Variants in GUCY1A2 observed in about 807,000 individuals in gnomAD.
GUCY1A2 encodes guanylate cyclase 1 soluble subunit alpha 2.
In GUCY1A2, 27 loss-of-function variants were observed where a neutral mutation model predicts 63.5. The ratio of observed to expected loss-of-function variants is 0.43; its 90% CI spans 0.31 to 0.59. The LOEUF is 0.59. Among genes scored for constraint, GUCY1A2 ranks in the 20% least tolerant of loss-of-function variants. The pLI, the probability that GUCY1A2 is intolerant of heterozygous loss-of-function variation, is 0.11. For missense variants in GUCY1A2, 768 were observed against 913.3 expected, an observed-to-expected ratio of 0.84 and a Z score of 2.05; for synonymous variants, 364 against 343.5, an observed-to-expected ratio of 1.06 and a Z score of -0.66.
intron 4 of GUCY1A2, chr11:106,824,922 A>G (rs548887975): frequency 3.7e-6 from 6 of 1,611,914 alleles, no homozygotes; most frequent in East Asian, 2.2e-5. Flanking sequence ...TTCTAAGAAT[A>G]CAGGAGCTAA....
intron 7 of GUCY1A2, among the ~76,000 whole-genome samples, chr11:106,688,917 GC>G (rs1170454879): frequency 6.6e-6 from 1 of 152,194 alleles, no homozygotes; most frequent in Non-Finnish European, 1.5e-5. Context: ...GAGGGTTAAG[GC>G]TGGGGCAGTA....
At chr11:106,849,529 G>C (rs1430743925) in intron 4 of GUCY1A2, among the ~76,000 whole-genome samples, 4 of 151,448 alleles carry the variant, frequency 2.6e-5, no homozygotes, top group African/African-American at 7.2e-5. Context: ...AAATATATTT[G>C]ATTGAGTGTA....
intron 2 of GUCY1A2, among the ~76,000 whole-genome samples, chr11:106,982,536 G>A (rs1379292749): frequency 6.6e-6 from 1 of 152,162 alleles, no homozygotes; most frequent in East Asian, 1.9e-4. Context: ...AGTTTATATA[G>A]TAATCAAAAT....
At chr11:106,893,058 G>GA (rs1859996272) in intron 4 of GUCY1A2, among the ~76,000 whole-genome samples, 1 of 152,122 alleles carries the variant, frequency 6.6e-6, no homozygotes, top group African/African-American at 2.4e-5. Flanking sequence ...GTTCACATAG[G>GA]AAAATCTTCT....
At chr11:106,805,500 C>T (rs1450468340) in intron 5 of GUCY1A2, among the ~76,000 whole-genome samples, 1 of 152,204 alleles carries the variant, frequency 6.6e-6, no homozygotes, top group Non-Finnish European at 1.5e-5. Flanking sequence ...CCCACCTCGG[C>T]CTCCCAAAGT....
chr11:106,890,430 C>T (rs757195365), intron 4 of GUCY1A2, among the ~76,000 whole-genome samples: 1 of 152,184 alleles, frequency 6.6e-6, no homozygotes. Context: ...GGTTCTGGCT[C>T]TTTGACTGAC....
intron 1 of GUCY1A2, among the ~76,000 whole-genome samples, chr11:107,015,551 TTC>T (rs1337741528): frequency 1.9e-5 from 2 of 103,082 alleles, no homozygotes; most frequent in East Asian, 3.1e-4. Context: ...AATCTGTAAA[TTC>T]TCTTAGGCAA....
At chr11:106,978,833 G>A in intron 2 of GUCY1A2, 93 bp from the exon 3 acceptor site, 1 of 729,032 alleles carries the variant, frequency 1.4e-6, no homozygotes, top group South Asian at 2.0e-5. Flanking sequence ...CGCAGTCTAT[G>A]CTTTCATCAT....
At chr11:106,873,852 A>G (rs758961532) in intron 4 of GUCY1A2, among the ~76,000 whole-genome samples, 3 of 152,144 alleles carry the variant, frequency 2.0e-5, no homozygotes, top group Non-Finnish European at 4.4e-5. Flanking sequence ...CCAATAGACT[A>G]GTTTCATCTC....
At chr11:106,922,191 A>G (rs1256634556) in intron 4 of GUCY1A2, among the ~76,000 whole-genome samples, 4 of 152,174 alleles carry the variant, frequency 2.6e-5, no homozygotes, top group African/African-American at 9.6e-5. Context: ...TGTTTCTTCA[A>G]CTATAAAGTG....
chr11:106,722,898 C>G (rs1863341624), intron 6 of GUCY1A2, among the ~76,000 whole-genome samples: 1 of 151,748 alleles, frequency 6.6e-6, no homozygotes, highest in Non-Finnish European at 1.5e-5. Context: ...TGTTTTGACC[C>G]CATTCCCCCA....
At chr11:106,925,471 C>T (rs1407881277) in intron 4 of GUCY1A2, among the ~76,000 whole-genome samples, 3 of 152,032 alleles carry the variant, frequency 2.0e-5, no homozygotes, top group Non-Finnish European at 4.4e-5. Context: ...GCCTCCAATT[C>T]AAGTTAAATA....
chr11:106,690,571 A>G (rs1043154374), intron 7 of GUCY1A2, among the ~76,000 whole-genome samples: 1 of 152,148 alleles, frequency 6.6e-6, no homozygotes, highest in Non-Finnish European at 1.5e-5. Context: ...GAAAATAACT[A>G]ATGGGCAGTA....
Position 106,679,832 on chromosome 11 carries a change from T to G in GUCY1A2, c.*7717A>C. ...CATTGTAACCAAGACTAGTTCTATCTGCCACCTTCAGAAAGCATCTATTTG... is the reference window on the plus strand; with the variant it reads ...CATTGTAACCAAGACTAGTTCTATCGGCCACCTTCAGAAAGCATCTATTTG... On this transcript the variant is annotated 3_prime_UTR_variant, in exon 8 of 8. Coordinates refer to ENST00000526355, the MANE Select transcript of GUCY1A2 (RefSeq NM_000855.3). 4.6e-6 allele frequency: 1 copy of G among 217,812 alleles called. No individual in the cohort carries two copies. The highest frequency in any genetic ancestry group is 6.7e-5 in the East Asian group (1 of 14,896). 13.5% of individuals were successfully genotyped at this position (217,812 alleles called of 1,614,324 possible).
chr11:106,883,313 T>G (rs1859852118), intron 4 of GUCY1A2, among the ~76,000 whole-genome samples: 1 of 152,136 alleles, frequency 6.6e-6, no homozygotes, highest in Non-Finnish European at 1.5e-5. Flanking sequence ...CCTGGATGCC[T>G]TTATCTATGT....
At chr11:106,732,946 A>G (rs1863529087) in intron 6 of GUCY1A2, among the ~76,000 whole-genome samples, 1 of 152,218 alleles carries the variant, frequency 6.6e-6, no homozygotes, top group Non-Finnish European at 1.5e-5. Context: ...ACAAAATCAC[A>G]TTTAGAAATT....
chr11:106,849,859 T>C (rs1859328205), intron 4 of GUCY1A2, among the ~76,000 whole-genome samples: 2 of 151,666 alleles, frequency 1.3e-5, no homozygotes, highest in African/African-American at 4.8e-5. Context: ...GGCCCCTTTG[T>C]CTTTATTTTT....
rs549597752 is a variant in GUCY1A2 at position 106,927,359 on chromosome 11, C to A, written c.1206+12101G>T. On this transcript the variant is annotated intron_variant, in intron 4 of 7. Transcript: ENST00000526355. ...CTGCACTCCAGCCTGGGCAACAGAG[C>A]GAGACTCCGTCTCAAAAAAAAAATC... Among the ~76,000 whole-genome samples, 6 of 150,564 alleles carry A rather than the reference C, an allele frequency of 4.0e-5. No homozygotes were observed. The South Asian group carries it at 1.3e-3, about 32-fold the overall frequency.
At chr11:106,740,988 A>T (rs755983447) in intron 6 of GUCY1A2, among the ~76,000 whole-genome samples, 5 of 152,166 alleles carry the variant, frequency 3.3e-5, no homozygotes, top group Non-Finnish European at 7.3e-5. Flanking sequence ...TTATGATATT[A>T]TAGTTAGTCT....
Sources: allele counts gnomAD v4.1 joint callset (sites outside exome capture counted in the v4.1 genomes callset), GRCh38; gene constraint gnomAD v4.1.1; transcripts MANE v1.5; gene names NCBI Gene and HGNC (gene_info 2026-07-23, HGNC 2026-07-21).